LARP1: variants seen among roughly 807,000 people sequenced by gnomAD.
LARP1 encodes the protein La ribonucleoprotein 1, translational regulator.
In LARP1, 36 loss-of-function variants were observed where a neutral mutation model predicts 122.7. The observed-to-expected ratio is 0.29, with a 90% CI of 0.22 to 0.39. LARP1 has a LOEUF of 0.39. LARP1 is among the 10% of genes least tolerant of loss of function. LARP1 has a pLI of 1.00. For missense variants in LARP1, 1,040 were observed against 1,403.6 expected (o/e 0.74, Z 4.14); for synonymous variants, 539 against 528.7 (o/e 1.02, Z -0.27).
intron 1 of LARP1, 167 bp downstream of exon 1, chr5:154,756,360 C>A: frequency 1.0e-6 from 1 of 972,298 alleles, no homozygotes; most frequent in Non-Finnish European, 1.2e-6. Flanking sequence ...CTCCCCCCCA[C>A]CGTACACTCA....
intron 1 of LARP1, among the ~76,000 whole-genome samples, chr5:154,742,847 A>G (rs1752975126): frequency 6.6e-6 from 1 of 152,120 alleles, no homozygotes; most frequent in Non-Finnish European, 1.5e-5. Context: ...CAAGAAAAGG[A>G]ACTTTTCTTG....
At chr5:154,716,534 C>T (rs1206275389) in intron 1 of LARP1, among the ~76,000 whole-genome samples, 4 of 152,082 alleles carry the variant, frequency 2.6e-5, no homozygotes, top group Non-Finnish European at 2.9e-5. Context: ...CTGCAACCTC[C>T]ACATCCAGGG....
chr5:154,743,683 G>A (rs536466386), intron 1 of LARP1, among the ~76,000 whole-genome samples: 2 of 151,452 alleles, frequency 1.3e-5, no homozygotes, highest in Non-Finnish European at 2.9e-5. Flanking sequence ...ATAGTGGCAC[G>A]ATCTGGACTT....
At chr5:154,755,289 TCGCCCGCCGCGTCGTGAGGCGCGCGCC>T (rs1237057076), upstream of LARP1, among the ~76,000 whole-genome samples, 5 of 145,946 alleles carry the variant, frequency 3.4e-5, no homozygotes, top group South Asian at 4.2e-4. Flanking sequence ...TCCCCTCCCC[TCGCCCGCCGCGTCGTGAGGCGCGCGCC>T]CGCCCGCCGC....
intron 1 of LARP1, among the ~76,000 whole-genome samples, chr5:154,722,901 A>G (rs1271173561): frequency 6.6e-6 from 1 of 152,104 alleles, no homozygotes; most frequent in African/African-American, 2.4e-5. Flanking sequence ...GCCTGGTCTC[A>G]AACTCCTGAC....
chr5:154,757,329 G>C (rs780458746), intron 1 of LARP1: 3 of 152,038 alleles, frequency 2.0e-5, no homozygotes, highest in African/African-American at 7.3e-5. Context: ...CCGTGTCAGC[G>C]TGGGGGGAGA....
rs368268012 is a variant in LARP1, at chr5:154,802,285, C to T, written c.1995C>T (p.His665=). 10 of 1,614,106 alleles carry T rather than the reference C, an allele frequency of 6.2e-6. No individual in the cohort carries two copies. The African/African-American group carries it at 1.1e-4, about 17-fold the overall frequency. Residue 665 remains histidine, a synonymous_variant, in exon 11 of 19, where the codon CAC becomes CAT. Transcript: ENST00000518297. The surrounding 1 kb of genome is among the most constrained non-coding windows in gnomAD (Gnocchi z 5.1). The part of the protein sequence containing the change: ...RHPGGDRTGN[H]TSRAKMSAEL... Reference sequence around the variant, plus strand: ...CAGGGGGGGACCGCACAGGCAACCACACCTCGCGTGCCAAGATGAGCGCCG... The same window carrying T: ...CAGGGGGGGACCGCACAGGCAACCATACCTCGCGTGCCAAGATGAGCGCCG...
chr5:154,796,678 G>A (rs373657256), intron 8 of LARP1, among the ~76,000 whole-genome samples: 2 of 152,130 alleles, frequency 1.3e-5, no homozygotes, highest in African/African-American at 4.8e-5. Context: ...AGCAGTGTTC[G>A]TTAGGATTGC....
At chr5:154,733,812 C>T (rs888315800) in intron 1 of LARP1, among the ~76,000 whole-genome samples, 1 of 152,132 alleles carries the variant, frequency 6.6e-6, no homozygotes, top group African/African-American at 2.4e-5. Context: ...ATTCGCCCAC[C>T]TCGGCCTCTT....
chr5:154,780,149 T>C (rs1394468124), intron 1 of LARP1, among the ~76,000 whole-genome samples: 2 of 152,110 alleles, frequency 1.3e-5, no homozygotes, highest in African/African-American at 2.4e-5. Context: ...CTCCCACTGC[T>C]GTGGAATTTT....
upstream of LARP1, among the ~76,000 whole-genome samples, chr5:154,755,346 C>G (rs1473030921): frequency 6.7e-6 from 1 of 150,170 alleles, no homozygotes; most frequent in Non-Finnish European, 1.5e-5. Flanking sequence ...ATCGCGTGGT[C>G]TGCTTGGCTC....
In LARP1 at chr5:154,805,023, A is replaced by G. The variant is rs1213406387; in HGVS notation, c.2546+716A>G. The G allele has an allele frequency of 2.2e-5, 9 of 411,970 alleles. No individual in the cohort carries two copies. The East Asian group carries it at 5.7e-4, about 26-fold the overall frequency. 25.5% of individuals were successfully genotyped at this position (411,970 alleles called of 1,614,324 possible). On this transcript the variant is annotated intron_variant, in intron 14 of 18. Coordinates refer to ENST00000518297, the MANE Select transcript of LARP1 (RefSeq NM_033551.3). ...TAACCAGAAGCCTTACCAATAACAT[A>G]TAGTCAATTAGCACATGTTTTGCAT...
At chr5:154,693,996 C>G (rs537261824) in intron 1 of LARP1, among the ~76,000 whole-genome samples, 1 of 151,930 alleles carries the variant, frequency 6.6e-6, no homozygotes, top group Non-Finnish European at 1.5e-5. Flanking sequence ...GCTTCAGTTA[C>G]GAAAAGTTCA....
intron 1 of LARP1, among the ~76,000 whole-genome samples, chr5:154,782,274 A>C (rs542305721): frequency 3.9e-5 from 6 of 152,336 alleles, no homozygotes; most frequent in Non-Finnish European, 7.4e-5. Context: ...CTAGAACCAA[A>C]TGTGCTCTTT....
rs1043277957 is a variant in LARP1 at position 154,725,909 on chromosome 5, C to T, written c.205+12779C>T. ...AGGCTGGAGTACAGTGGTACAATCT[C>T]GGCTCACTGCAACCTCTGCCTCCCA... On this transcript the variant is annotated intron_variant, in intron 1 of 18. Coordinates refer to the LARP1 transcript ENST00000336314. 8.5e-5 allele frequency among the ~76,000 whole-genome samples: 13 copies of T among 152,086 alleles called. No homozygotes were observed. In the East Asian group the frequency reaches 1.7e-3, roughly 20 times the overall value.
At chr5:154,790,239 G>A in intron 1 of LARP1, 86 bp from the exon 2 acceptor site, 1 of 1,112,706 alleles carries the variant, frequency 9.0e-7, no homozygotes, top group Non-Finnish European at 1.3e-6. Context: ...GCTAGGTGGA[G>A]TGGGGACGGT....
At chr5:154,708,770 C>T (rs768127668), upstream of LARP1, among the ~76,000 whole-genome samples, 1 of 152,104 alleles carries the variant, frequency 6.6e-6, no homozygotes. Context: ...CACCACCACA[C>T]CCAGCTAATT....
chr5:154,724,757 C>T (rs1363619203), intron 1 of LARP1, among the ~76,000 whole-genome samples: 1 of 151,716 alleles, frequency 6.6e-6, no homozygotes, highest in Non-Finnish European at 1.5e-5. Context: ...CCTTGAGCTT[C>T]CCAGGCTCAG....
chr5:154,775,898 G>A (rs2113689084), intron 1 of LARP1, among the ~76,000 whole-genome samples: 1 of 152,354 alleles, frequency 6.6e-6, no homozygotes, highest in South Asian at 2.1e-4. Flanking sequence ...TGGGATAATA[G>A]TCCCTCCATT....
Sources: gnomAD v4.1 joint callset for allele counts (sites outside exome capture counted in the v4.1 genomes callset) on GRCh38, gnomAD v4.1.1 for gene constraint, Gnocchi (gnomAD v3.1) non-coding constraint, MANE v1.5 for transcripts, NCBI Gene and HGNC (gene_info 2026-07-23, HGNC 2026-07-21) for gene names.